The following ZSWIM6 variants were observed in gnomAD, a reference collection of about 807,000 sequenced individuals.
The protein encoded by ZSWIM6 is zinc finger SWIM-type containing 6.
ZSWIM6 carries 9 observed loss-of-function variants against 113.2 expected under a neutral mutation model. The ratio of observed to expected loss-of-function variants is 0.08; its 90% CI spans 0.05 to 0.14. ZSWIM6 has a LOEUF of 0.14. Ranked by LOEUF, ZSWIM6 falls within the 10% of genes least tolerant of loss-of-function variation. ZSWIM6 has a pLI of 1.00. For synonymous variants in ZSWIM6, 611 were observed against 606.5 expected (o/e 1.01, Z -0.11); for missense variants, 1,162 against 1,552.2 (o/e 0.75, Z 4.22).
intron 1 of ZSWIM6, among the ~76,000 whole-genome samples, chr5:61,353,301 T>G (rs184410701): frequency 6.6e-6 from 1 of 152,322 alleles, no homozygotes; most frequent in Admixed American, 6.5e-5. Context: ...AGTTCTGTGC[T>G]TTACAAGCAT....
intron 1 of ZSWIM6, chr5:61,391,649 C>T (rs1382832077): frequency 2.0e-6 from 2 of 976,086 alleles, no homozygotes; most frequent in Non-Finnish European, 1.7e-6. Flanking sequence ...ATGGTCACAG[C>T]CTCTATCACT....
intron 1 of ZSWIM6, among the ~76,000 whole-genome samples, chr5:61,439,836 G>A (rs934740132): frequency 1.3e-5 from 2 of 152,036 alleles, no homozygotes; most frequent in African/African-American, 2.4e-5. Context: ...CCTTTGAAAC[G>A]TTTTTCTACA....
chr5:61,369,639 C>T (rs1432762370), intron 1 of ZSWIM6, among the ~76,000 whole-genome samples: 1 of 152,104 alleles, frequency 6.6e-6, no homozygotes, highest in Non-Finnish European at 1.5e-5. Context: ...TGTCTGCTTA[C>T]TTGAGTGGTG....
intron 1 of ZSWIM6, among the ~76,000 whole-genome samples, chr5:61,390,398 C>A (rs1736715465): frequency 1.3e-5 from 2 of 152,114 alleles, no homozygotes; most frequent in South Asian, 4.1e-4. Context: ...CCTTCAGATA[C>A]CTTATTCCTC....
At chr5:61,338,303 C>T (rs1218861818) in intron 1 of ZSWIM6, among the ~76,000 whole-genome samples, 1 of 151,848 alleles carries the variant, frequency 6.6e-6, no homozygotes, top group Non-Finnish European at 1.5e-5. Flanking sequence ...TAAATAAAGA[C>T]GATTCTGAAT....
intron 2 of ZSWIM6, among the ~76,000 whole-genome samples, chr5:61,474,889 C>G (rs1468033858): frequency 6.6e-6 from 1 of 152,166 alleles, no homozygotes; most frequent in African/African-American, 2.4e-5. Context: ...TCAGGCTCAG[C>G]TTTACTAAAG....
intron 1 of ZSWIM6, among the ~76,000 whole-genome samples, chr5:61,380,859 G>A (rs1365799550): frequency 6.6e-6 from 1 of 152,090 alleles, no homozygotes; most frequent in African/African-American, 2.4e-5. Context: ...CCAGCACTTT[G>A]GGAGGCAGAG....
At chr5:61,394,400 A>C (rs1450987052) in intron 1 of ZSWIM6, among the ~76,000 whole-genome samples, 4 of 151,892 alleles carry the variant, frequency 2.6e-5, no homozygotes, top group Admixed American at 6.6e-5. Context: ...GCACCCTGGC[A>C]CCCCCAGCAT....
At chr5:61,530,715 T>C (rs1749408385) in intron 8 of ZSWIM6, among the ~76,000 whole-genome samples, 2 of 152,178 alleles carry the variant, frequency 1.3e-5, no homozygotes, top group South Asian at 2.1e-4. Flanking sequence ...AACTTAAGAA[T>C]CTTGACTAAA....
intron 1 of ZSWIM6, among the ~76,000 whole-genome samples, chr5:61,419,760 A>G (rs1219065103): frequency 6.6e-6 from 1 of 152,182 alleles, no homozygotes; most frequent in Non-Finnish European, 1.5e-5. Context: ...CTTCTGAGGG[A>G]TGTGCCCTTC....
At chr5:61,381,084 A>G (rs113998301) in intron 1 of ZSWIM6, among the ~76,000 whole-genome samples, 1,734 of 152,270 alleles carry the variant, frequency 0.011, 24 homozygotes, top group African/African-American at 0.039. Flanking sequence ...CCCTGTCTCC[A>G]CTAAAAATAC....
At chr5:61,403,345 G>A (rs1745976844) in intron 1 of ZSWIM6, among the ~76,000 whole-genome samples, 1 of 152,168 alleles carries the variant, frequency 6.6e-6, no homozygotes, top group South Asian at 2.1e-4. Flanking sequence ...GGCTCTTAAA[G>A]CCATGTTGTT....
chr5:61,433,388 A>AGG (rs1746626446), intron 1 of ZSWIM6, among the ~76,000 whole-genome samples: 1 of 151,910 alleles, frequency 6.6e-6, no homozygotes, highest in Admixed American at 6.6e-5. Flanking sequence ...AGATGTGTGT[A>AGG]GGAGCAAATA....
intron 1 of ZSWIM6, among the ~76,000 whole-genome samples, chr5:61,381,032 T>C (rs1008277714): frequency 3.3e-5 from 5 of 151,832 alleles, no homozygotes; most frequent in Non-Finnish European, 7.4e-5. Flanking sequence ...GTGGATCACC[T>C]GAAATCAGGA....
At chr5:61,453,499 C>T (rs13174756) in intron 1 of ZSWIM6, among the ~76,000 whole-genome samples, 20,816 of 151,612 alleles carry the variant, frequency 0.14, 1,544 homozygotes, top group Middle Eastern at 0.18. Flanking sequence ...CTCAACCTCC[C>T]AAGTAGCTGT....
chr5:61,457,561 G>A (rs1333895168), intron 1 of ZSWIM6, among the ~76,000 whole-genome samples: 1 of 151,644 alleles, frequency 6.6e-6, no homozygotes, highest in Non-Finnish European at 1.5e-5. Context: ...CACTCTTGTT[G>A]CCCAGGCTGG....
intron 1 of ZSWIM6, among the ~76,000 whole-genome samples, chr5:61,400,138 C>T (rs1745916350): frequency 6.6e-6 from 1 of 152,146 alleles, no homozygotes; most frequent in African/African-American, 2.4e-5. Flanking sequence ...CGTTGGTTTT[C>T]AAGGTAGTTT....
At chr5:61,426,535 A>G (rs991521204) in intron 1 of ZSWIM6, among the ~76,000 whole-genome samples, 6 of 152,160 alleles carry the variant, frequency 3.9e-5, no homozygotes, top group African/African-American at 1.4e-4. Context: ...TAAATTTAAC[A>G]TTGGTAAAAA....
At chr5:61,488,451 C>T (rs964137315) in intron 2 of ZSWIM6, among the ~76,000 whole-genome samples, 2 of 151,928 alleles carry the variant, frequency 1.3e-5, no homozygotes, top group South Asian at 2.1e-4. Flanking sequence ...CTTCTTCCTA[C>T]GTTTGGTAGA....
Sources: allele counts gnomAD v4.1 joint callset (sites outside exome capture counted in the v4.1 genomes callset), GRCh38; gene constraint gnomAD v4.1.1; transcripts MANE v1.5; gene names NCBI Gene and HGNC (gene_info 2026-07-23, HGNC 2026-07-21).